Variants in ATG7 observed in about 807,000 individuals in gnomAD.
The protein encoded by ATG7 is ubiquitin-like modifier-activating enzyme ATG7.
In ATG7, 70 loss-of-function variants were observed where a neutral mutation model predicts 82.4. The observed-to-expected ratio is 0.85, with a 90% confidence interval of 0.70 to 1.04. The LOEUF is 1.04. Among genes scored for constraint, ATG7 ranks in the 50% least tolerant of loss-of-function variants. The probability of loss-of-function intolerance (pLI) is 0.00; values close to 1 mark genes in which losing one functional copy is unlikely to be tolerated. For synonymous variants in ATG7, 287 were observed against 313.0 expected (o/e 0.92, Z 0.88); for missense variants, 792 against 864.3 (o/e 0.92, Z 1.05).
intron 20 of ATG7, among the ~76,000 whole-genome samples, chr3:11,493,803 T>G (rs1372395792): frequency 6.6e-6 from 1 of 152,186 alleles, no homozygotes; most frequent in Non-Finnish European, 1.5e-5. Context: ...AAGCACAATC[T>G]GGGGCATCAC....
intron 3 of ATG7, among the ~76,000 whole-genome samples, chr3:11,285,785 G>A (rs946518197): frequency 6.6e-6 from 1 of 152,106 alleles, no homozygotes; most frequent in African/African-American, 2.4e-5. Flanking sequence ...TTTTGGAACA[G>A]TTTCAAACTT....
intron 19 of ATG7, among the ~76,000 whole-genome samples, chr3:11,393,133 G>A (rs1243161890): frequency 1.3e-5 from 2 of 152,190 alleles, no homozygotes; most frequent in East Asian, 3.8e-4. Context: ...ACTGCAGAAA[G>A]TGTTAGGCTG....
At chr3:11,395,899 C>T (rs1353436542) in intron 19 of ATG7, among the ~76,000 whole-genome samples, 1 of 127,648 alleles carries the variant, frequency 7.8e-6, no homozygotes, top group African/African-American at 3.0e-5. Context: ...GAGGTCACAC[C>T]ACTATACTCC....
At chr3:11,435,721 T>G (rs895523463) in intron 20 of ATG7, among the ~76,000 whole-genome samples, 1 of 152,184 alleles carries the variant, frequency 6.6e-6, no homozygotes, top group African/African-American at 2.4e-5. Context: ...TTCATTGACC[T>G]TCGTTTCCAT....
At chr3:11,513,055 G>C (rs953546631) in intron 20 of ATG7, among the ~76,000 whole-genome samples, 2 of 152,228 alleles carry the variant, frequency 1.3e-5, no homozygotes, top group Admixed American at 1.3e-4. Context: ...GCTAGACACA[G>C]GGTGCTGATT....
At chr3:11,280,632 A>T (rs903881541) in intron 1 of ATG7, among the ~76,000 whole-genome samples, 1 of 152,176 alleles carries the variant, frequency 6.6e-6, no homozygotes, top group African/African-American at 2.4e-5. Flanking sequence ...ATCTTTTTTT[A>T]TCCTGAATTT....
chr3:11,342,038 T>G, intron 12 of ATG7, 97 bp from the exon 13 acceptor site: 4 of 1,350,062 alleles, frequency 3.0e-6, no homozygotes, highest in Non-Finnish European at 4.0e-6. Context: ...CCAATTTCCT[T>G]ATTATTTCTT....
chr3:11,399,773 C>T (rs1331339422), intron 19 of ATG7, among the ~76,000 whole-genome samples: 1 of 152,258 alleles, frequency 6.6e-6, no homozygotes, highest in Admixed American at 6.5e-5. Context: ...AGAGCTTCAC[C>T]ATGTTGGTCA....
intron 18 of ATG7, among the ~76,000 whole-genome samples, chr3:11,373,128 G>C (rs964173012): frequency 6.6e-6 from 1 of 150,878 alleles, no homozygotes; most frequent in African/African-American, 2.4e-5. Context: ...ACAAATAGGA[G>C]AACAAGAGTT....
At chr3:11,492,111 G>A (rs549083493) in intron 20 of ATG7, among the ~76,000 whole-genome samples, 25 of 152,296 alleles carry the variant, frequency 1.6e-4, no homozygotes, top group African/African-American at 4.1e-4. Flanking sequence ...AGCAATCAGT[G>A]AGACTCCGTG....
At chr3:11,377,030 C>T (rs1000145534) in intron 18 of ATG7, among the ~76,000 whole-genome samples, 10 of 152,304 alleles carry the variant, frequency 6.6e-5, no homozygotes, top group South Asian at 2.1e-4. Flanking sequence ...TGAGCCACCG[C>T]GCCCGGCCTT....
chr3:11,409,929 A>AT (rs1434965556), intron 19 of ATG7, among the ~76,000 whole-genome samples: 3 of 152,148 alleles, frequency 2.0e-5, no homozygotes, highest in East Asian at 3.9e-4. Context: ...TCTGTGATAT[A>AT]TTTTTTTATT....
chr3:11,338,517 T>C (rs1383774613), intron 11 of ATG7, among the ~76,000 whole-genome samples: 1 of 152,144 alleles, frequency 6.6e-6, no homozygotes, highest in Non-Finnish European at 1.5e-5. Flanking sequence ...TTAACCTCTT[T>C]ATGAAACTCA....
chr3:11,349,266 T>G (rs1419092885), intron 14 of ATG7, among the ~76,000 whole-genome samples: 1 of 152,160 alleles, frequency 6.6e-6, no homozygotes, highest in Non-Finnish European at 1.5e-5. Context: ...ACCCAGGAAG[T>G]CCAGCTGGTT....
intron 20 of ATG7, among the ~76,000 whole-genome samples, chr3:11,535,734 T>TA (rs1278215337): frequency 2.0e-5 from 3 of 152,166 alleles, no homozygotes; most frequent in Admixed American, 6.5e-5. Context: ...GGGGAGAACC[T>TA]TGTGTTCTCA....
At chr3:11,433,598 C>T (rs1261170285) in intron 20 of ATG7, among the ~76,000 whole-genome samples, 4 of 152,216 alleles carry the variant, frequency 2.6e-5, no homozygotes, top group South Asian at 2.1e-4. Context: ...AATTCAAATT[C>T]CTAAGTCCCT....
chr3:11,569,011 T>G, the ATG7 span: 1 of 958,012 alleles, frequency 1.0e-6, no homozygotes, highest in Non-Finnish European at 1.3e-6. Context: ...GGACAGAGCT[T>G]TCTGAGTACT....
chr3:11,409,383 T>G (rs911808694), intron 19 of ATG7, among the ~76,000 whole-genome samples: 4 of 152,232 alleles, frequency 2.6e-5, no homozygotes, highest in African/African-American at 4.8e-5. Flanking sequence ...GGTAAACAAC[T>G]ATTGACTAGT....
the ATG7 span, among the ~76,000 whole-genome samples, chr3:11,563,308 T>C: frequency 1.7e-4 from 26 of 152,366 alleles, no homozygotes; most frequent in Non-Finnish European, 2.5e-4. Context: ...AGCCAGGTTC[T>C]GCCTGCACGG....
Sources: gnomAD v4.1 joint callset for allele counts (sites outside exome capture counted in the v4.1 genomes callset) on GRCh38, gnomAD v4.1.1 for gene constraint, MANE v1.5 for transcripts, NCBI Gene and HGNC (gene_info 2026-07-23, HGNC 2026-07-21) for gene names.